CNTNAP2: variants seen among roughly 807,000 people sequenced by gnomAD.
The protein encoded by CNTNAP2 is contactin associated protein 2, also known as contactin-associated protein-like 2.
A neutral mutation model predicts 155.2 loss-of-function variants in CNTNAP2; 98 were observed. The ratio of observed to expected loss-of-function variants is 0.63; its 90% CI spans 0.54 to 0.75. CNTNAP2 has a LOEUF of 0.75. Among genes scored for constraint, CNTNAP2 ranks in the 30% least tolerant of loss-of-function variants. The pLI, the probability that CNTNAP2 is intolerant of heterozygous loss-of-function variation, is 0.00. For missense variants in CNTNAP2, 1,727 were observed against 1,688.1 expected, an observed-to-expected ratio of 1.02 and a Z score of -0.40; for synonymous variants, 651 against 631.2, an observed-to-expected ratio of 1.03 and a Z score of -0.47.
chr7:148,239,453 G>A (rs1380149098), intron 20 of CNTNAP2, among the ~76,000 whole-genome samples: 1 of 152,124 alleles, frequency 6.6e-6, no homozygotes, highest in African/African-American at 2.4e-5. Flanking sequence ...CATTAATTTG[G>A]TCTGTATATG....
intron 16 of CNTNAP2, among the ~76,000 whole-genome samples, chr7:148,128,882 C>T (rs1024759306): frequency 6.6e-6 from 1 of 152,162 alleles, no homozygotes; most frequent in Non-Finnish European, 1.5e-5. Context: ...GGCCTCCTGA[C>T]CAGCCCTCTC....
intron 1 of CNTNAP2, among the ~76,000 whole-genome samples, chr7:146,721,614 A>T (rs1801320760): frequency 9.3e-6 from 1 of 107,868 alleles, no homozygotes; most frequent in South Asian, 2.4e-4. Flanking sequence ...CATTCTATAT[A>T]TATATTCTAT....
intron 15 of CNTNAP2, among the ~76,000 whole-genome samples, chr7:148,006,937 T>C (rs1801993689): frequency 6.6e-6 from 1 of 152,182 alleles, no homozygotes; most frequent in Admixed American, 6.5e-5. Context: ...AGCAAATCTT[T>C]CTTAGACTAT....
intron 11 of CNTNAP2, among the ~76,000 whole-genome samples, chr7:147,504,095 C>T (rs900474713): frequency 6.6e-6 from 1 of 152,146 alleles, no homozygotes; most frequent in Admixed American, 6.5e-5. Context: ...TCCCTTCTGC[C>T]ATGGCATTTC....
At chr7:147,678,554 G>A (rs564741927) in intron 13 of CNTNAP2, among the ~76,000 whole-genome samples, 93 of 151,926 alleles carry the variant, frequency 6.1e-4, no homozygotes, top group African/African-American at 2.1e-3. Flanking sequence ...AGGATTCCGC[G>A]TTTTTTATTC....
intron 1 of CNTNAP2, among the ~76,000 whole-genome samples, chr7:146,241,733 A>C (rs1563003781): frequency 6.6e-6 from 1 of 152,152 alleles, no homozygotes; most frequent in Non-Finnish European, 1.5e-5. Flanking sequence ...AAGACTTGTA[A>C]CATTTTCAAG....
chr7:147,622,438 T>C (rs1180313774), intron 12 of CNTNAP2, among the ~76,000 whole-genome samples: 1 of 152,062 alleles, frequency 6.6e-6, no homozygotes, highest in Non-Finnish European at 1.5e-5. Context: ...TTAAGCATAT[T>C]CTTTGACCAC....
chr7:148,230,516 C>T (rs1795942584), intron 20 of CNTNAP2, among the ~76,000 whole-genome samples: 1 of 152,148 alleles, frequency 6.6e-6, no homozygotes, highest in South Asian at 2.1e-4. Flanking sequence ...GGAGAAAGAA[C>T]AGCAGGAGGA....
At chr7:148,097,835 C>G (rs1563198470) in intron 15 of CNTNAP2, among the ~76,000 whole-genome samples, 1 of 152,058 alleles carries the variant, frequency 6.6e-6, no homozygotes, top group Non-Finnish European at 1.5e-5. Context: ...ATGTGCCCAG[C>G]AAGGTGTCAA....
intron 11 of CNTNAP2, among the ~76,000 whole-genome samples, chr7:147,540,997 G>T (rs941212565): frequency 5.9e-5 from 9 of 152,178 alleles, no homozygotes; most frequent in Non-Finnish European, 1.0e-4. Flanking sequence ...GCAGAAAACT[G>T]CAATAACTTA....
chr7:146,449,335 T>C (rs1639468), intron 1 of CNTNAP2, among the ~76,000 whole-genome samples: 4,612 of 152,224 alleles, frequency 0.03, 252 homozygotes, highest in African/African-American at 0.1. Flanking sequence ...TTTTCTATTA[T>C]ATTATGTAAT....
intron 9 of CNTNAP2, among the ~76,000 whole-genome samples, chr7:147,345,322 AAACTTTAT>A (rs1795835494): frequency 6.6e-6 from 1 of 152,194 alleles, no homozygotes; most frequent in Non-Finnish European, 1.5e-5. Context: ...GATAGTTTTA[AAACTTTAT>A]AACTTTATGT....
At chr7:148,177,768 A>T (rs1794964840) in intron 18 of CNTNAP2, among the ~76,000 whole-genome samples, 1 of 152,204 alleles carries the variant, frequency 6.6e-6, no homozygotes, top group South Asian at 2.1e-4. Context: ...TTCATTTTGT[A>T]GCAACTAAAA....
intron 1 of CNTNAP2, among the ~76,000 whole-genome samples, chr7:146,337,106 G>A (rs1197782986): frequency 1.3e-5 from 2 of 152,170 alleles, no homozygotes; most frequent in African/African-American, 4.8e-5. Context: ...TGAATTCATG[G>A]CAGAAACTTG....
intron 9 of CNTNAP2, among the ~76,000 whole-genome samples, chr7:147,352,318 T>C (rs918758926): frequency 2.6e-5 from 4 of 152,014 alleles, no homozygotes; most frequent in African/African-American, 9.7e-5. Context: ...TAAACACTTT[T>C]GAGATATGGC....
At chr7:146,653,065 A>T (rs984291516) in intron 1 of CNTNAP2, among the ~76,000 whole-genome samples, 6 of 152,192 alleles carry the variant, frequency 3.9e-5, no homozygotes, top group Non-Finnish European at 5.9e-5. Context: ...AAAGCTAGAA[A>T]TTCTGTTCAG....
intron 1 of CNTNAP2, among the ~76,000 whole-genome samples, chr7:146,446,271 A>G (rs757889530): frequency 1.3e-4 from 20 of 152,152 alleles, no homozygotes; most frequent in Non-Finnish European, 2.9e-4. Flanking sequence ...ACAGTCTTGG[A>G]AACAGTTGCT....
At chr7:146,365,454 T>C (rs969814436) in intron 1 of CNTNAP2, among the ~76,000 whole-genome samples, 7 of 152,196 alleles carry the variant, frequency 4.6e-5, no homozygotes, top group East Asian at 3.8e-4. Context: ...AAAACACTTA[T>C]AGTAATTAAA....
At chr7:147,248,449 G>A (rs1252775999) in intron 8 of CNTNAP2, among the ~76,000 whole-genome samples, 2 of 152,206 alleles carry the variant, frequency 1.3e-5, no homozygotes, top group Non-Finnish European at 2.9e-5. Flanking sequence ...GCAGCATGGA[G>A]ACATTCAAAG....
Sources: gnomAD v4.1 joint callset for allele counts (sites outside exome capture counted in the v4.1 genomes callset) on GRCh38, gnomAD v4.1.1 for gene constraint, MANE v1.5 for transcripts, NCBI Gene and HGNC (gene_info 2026-07-23, HGNC 2026-07-21) for gene names.